Variants in ADCY8 observed in about 807,000 individuals in gnomAD.
ADCY8 encodes adenylate cyclase 8.
Under a neutral mutation model 119.7 loss-of-function variants are expected in ADCY8, and 51 were observed. The ratio of observed to expected loss-of-function variants is 0.43; its 90% CI spans 0.34 to 0.54. The LOEUF (loss-of-function observed/expected upper bound fraction) is 0.54. Among genes scored for constraint, ADCY8 ranks in the 20% least tolerant of loss-of-function variants. The pLI is 0.03. For synonymous variants in ADCY8, 665 were observed against 651.0 expected (o/e 1.02, Z -0.33); for missense variants, 1,383 against 1,598.8 (o/e 0.87, Z 2.30).
At chr8:130,999,046 C>T (rs999044370) in intron 1 of ADCY8, among the ~76,000 whole-genome samples, 3 of 152,202 alleles carry the variant, frequency 2.0e-5, no homozygotes, top group Middle Eastern at 3.4e-3. Context: ...TAACCCTGAA[C>T]TTTGATATCC....
chr8:130,797,235 C>T (rs564879757), intron 15 of ADCY8, among the ~76,000 whole-genome samples: 4 of 151,528 alleles, frequency 2.6e-5, no homozygotes, highest in Non-Finnish European at 5.9e-5. Flanking sequence ...CTTTTTTTTG[C>T]GAATTTTTTT....
At chr8:130,936,342 C>T (rs58413525) in intron 5 of ADCY8, among the ~76,000 whole-genome samples, 67 of 152,274 alleles carry the variant, frequency 4.4e-4, no homozygotes, top group African/African-American at 1.6e-3. Context: ...GCACTTGCCA[C>T]ACATCCATGA....
intron 2 of ADCY8, among the ~76,000 whole-genome samples, chr8:130,972,543 A>C (rs924418632): frequency 1.3e-5 from 2 of 152,186 alleles, no homozygotes; most frequent in African/African-American, 4.8e-5. Flanking sequence ...AAAGACCCAA[A>C]ATATCTATTT....
chr8:131,027,568 C>T (rs1348803529), intron 1 of ADCY8, among the ~76,000 whole-genome samples: 2 of 152,182 alleles, frequency 1.3e-5, no homozygotes, highest in East Asian at 1.9e-4. Context: ...TGGACAGACC[C>T]CAGCAATGGA....
At chr8:130,991,369 T>A (rs1465327402) in intron 1 of ADCY8, among the ~76,000 whole-genome samples, 17 of 152,178 alleles carry the variant, frequency 1.1e-4, no homozygotes, top group Admixed American at 1.1e-3. Context: ...TCCAGACCAC[T>A]GTAGCTTCCA....
intron 13 of ADCY8, among the ~76,000 whole-genome samples, chr8:130,816,167 T>C (rs1816334391): frequency 6.6e-6 from 1 of 152,166 alleles, no homozygotes; most frequent in African/African-American, 2.4e-5. Context: ...CAAAAGGTTA[T>C]CCATTCAGCA....
chr8:130,898,028 G>C (rs1433736445), intron 7 of ADCY8, among the ~76,000 whole-genome samples: 4 of 151,026 alleles, frequency 2.6e-5, no homozygotes, highest in Non-Finnish European at 5.9e-5. Flanking sequence ...TTCTGAGACT[G>C]ACAGATGACC....
At chr8:130,836,203 G>A (rs1431023037) in intron 12 of ADCY8, 74 bp downstream of exon 12, 3 of 1,446,078 alleles carry the variant, frequency 2.1e-6, no homozygotes, top group African/African-American at 1.4e-5. Flanking sequence ...AATGCAGCGG[G>A]CATCATTTTC....
chr8:131,022,650 G>A (rs1002140467), intron 1 of ADCY8, among the ~76,000 whole-genome samples: 4 of 152,088 alleles, frequency 2.6e-5, no homozygotes, highest in Admixed American at 1.3e-4. Context: ...AGCAAGTGCC[G>A]GCCAGGTAAA....
intron 15 of ADCY8, among the ~76,000 whole-genome samples, chr8:130,799,672 A>G (rs1815704564): frequency 6.6e-6 from 1 of 152,236 alleles, no homozygotes; most frequent in Non-Finnish European, 1.5e-5. Flanking sequence ...CATGACCAAT[A>G]ATGACTGACC....
intron 1 of ADCY8, among the ~76,000 whole-genome samples, chr8:130,993,558 G>C (rs1376446991): frequency 6.6e-6 from 1 of 152,152 alleles, no homozygotes; most frequent in Non-Finnish European, 1.5e-5. Flanking sequence ...GGATCCAGTG[G>C]GATAAAATTA....
intron 7 of ADCY8, among the ~76,000 whole-genome samples, chr8:130,901,292 C>T (rs531195647): frequency 2.3e-5 from 3 of 129,692 alleles, no homozygotes; most frequent in African/African-American, 6.0e-5. Context: ...GTAATAGATG[C>T]TCAATTAATC....
intron 15 of ADCY8, among the ~76,000 whole-genome samples, chr8:130,786,651 T>A (rs776761756): frequency 2.0e-5 from 3 of 152,204 alleles, no homozygotes; most frequent in Non-Finnish European, 4.4e-5. Flanking sequence ...TTCTTATATG[T>A]TGGATGAACA....
At chr8:130,835,098 C>A (rs976819614) in intron 12 of ADCY8, among the ~76,000 whole-genome samples, 8 of 152,088 alleles carry the variant, frequency 5.3e-5, no homozygotes, top group Non-Finnish European at 5.9e-5. Flanking sequence ...ATTATCTTGG[C>A]CTTATTCTTT....
chr8:130,797,609 C>T (rs1474425790), intron 15 of ADCY8, among the ~76,000 whole-genome samples: 1 of 152,166 alleles, frequency 6.6e-6, no homozygotes, highest in East Asian at 1.9e-4. Flanking sequence ...AATATGGTCT[C>T]TACCTTAGTG....
intron 3 of ADCY8, among the ~76,000 whole-genome samples, chr8:130,950,542 G>C (rs1476896049): frequency 6.6e-6 from 1 of 152,192 alleles, no homozygotes; most frequent in Non-Finnish European, 1.5e-5. Flanking sequence ...ACTGGTCAGA[G>C]ACAGTGGCAG....
At chr8:130,820,706 C>T (rs1563678358) in intron 13 of ADCY8, among the ~76,000 whole-genome samples, 1 of 152,206 alleles carries the variant, frequency 6.6e-6, no homozygotes, top group Non-Finnish European at 1.5e-5. Context: ...ACAGTGCCCA[C>T]TCCAGATTCT....
chr8:130,900,128 T>C (rs7813291), intron 7 of ADCY8, among the ~76,000 whole-genome samples: 86,007 of 151,976 alleles, frequency 0.57, 25,796 homozygotes, highest in Non-Finnish European at 0.66. Flanking sequence ...ACATCTGCAC[T>C]TGTCAAGGGC....
At chr8:130,873,129 T>G (rs1016718123) in intron 8 of ADCY8, among the ~76,000 whole-genome samples, 4 of 152,192 alleles carry the variant, frequency 2.6e-5, no homozygotes, top group Non-Finnish European at 5.9e-5. Context: ...GCCTTCCATG[T>G]TTCCATGCCT....
Sources: allele counts gnomAD v4.1 joint callset (sites outside exome capture counted in the v4.1 genomes callset), GRCh38; gene constraint gnomAD v4.1.1; transcripts MANE v1.5; gene names NCBI Gene and HGNC (gene_info 2026-07-23, HGNC 2026-07-21).